Variants in KCNQ1 observed in about 807,000 individuals in gnomAD.
KCNQ1 encodes the protein potassium voltage-gated channel subfamily Q member 1, also known as potassium voltage-gated channel subfamily KQT member 1.
In KCNQ1, 49 loss-of-function variants were observed where a neutral mutation model predicts 72.4. That is an observed-to-expected ratio of 0.68 (90% confidence interval 0.54 to 0.86). KCNQ1 has a LOEUF of 0.86. Ranked by LOEUF, KCNQ1 falls within the 40% of genes least tolerant of loss-of-function variation. The probability of loss-of-function intolerance (pLI) is 0.00; values close to 1 mark genes in which losing one functional copy is unlikely to be tolerated. For missense variants in KCNQ1, 790 were observed against 945.1 expected (o/e 0.84, Z 2.15); for synonymous variants, 450 against 412.6 (o/e 1.09, Z -1.10).
rs1266094382 is a variant in KCNQ1 at position 2,679,378 on chromosome 11, TCA to T, written c.1514+17298_1514+17299del. 1 of 398,540 alleles carries T rather than the reference TCA, an allele frequency of 2.5e-6. No homozygotes were observed. Among genetic ancestry groups the T allele is most frequent in the Non-Finnish European group, 4.4e-6 (1 of 226,080 alleles). The allele number at this position is 398,540 out of a possible 1,614,324, so 24.7% of individuals were successfully genotyped here. ...TACACCTTGAGTGAGTCACTTAGTC[TCA>T]GTTTCTTTATTTGTAAAATGGGAAT... On this transcript the variant is annotated intron_variant, in intron 11 of 15. Coordinates refer to ENST00000155840, the MANE Select transcript of KCNQ1 (RefSeq NM_000218.3). This position sits in a 1 kb window ranked among gnomAD's most constrained non-coding sequence, Gnocchi z 4.8.
intron 11 of KCNQ1, among the ~76,000 whole-genome samples, chr11:2,744,291 C>T (rs1026050098): frequency 6.6e-6 from 1 of 152,240 alleles, no homozygotes; most frequent in Admixed American, 6.5e-5. Context: ...ACCAATGCGG[C>T]ACTCAGAGAA....
At position 2,477,548 on chromosome 11, in the gene KCNQ1, A is replaced by G. The variant is rs1846589911; in HGVS notation, c.386+32064A>G. Among the ~76,000 whole-genome samples the G allele has an allele frequency of 6.6e-6, 1 of 152,180 alleles. No individual in the cohort carries two copies. Among genetic ancestry groups the G allele is most frequent in the African/African-American group, 2.4e-5 (1 of 41,442 alleles). ...CTACAGACCAGTGATATGTACACAG[A>G]GAGCAATGAAAATCCTCATTATGAT... On this transcript the variant is annotated intron_variant, in intron 1 of 15. Coordinates refer to ENST00000155840, the MANE Select transcript of KCNQ1 (RefSeq NM_000218.3). This position sits in a 1 kb window ranked among gnomAD's most constrained non-coding sequence, Gnocchi z 5.0.
intron 15 of KCNQ1, among the ~76,000 whole-genome samples, chr11:2,792,399 C>CG (rs1364287468): frequency 1.3e-5 from 2 of 152,208 alleles, no homozygotes; most frequent in Non-Finnish European, 2.9e-5. Context: ...CCCCAGCACA[C>CG]GGTCCCTTTT....
intron 3 of KCNQ1, among the ~76,000 whole-genome samples, 172 bp from the exon 4 acceptor site, chr11:2,571,153 C>T (rs922454785): frequency 1.2e-4 from 19 of 152,166 alleles, no homozygotes; most frequent in African/African-American, 3.6e-4. Flanking sequence ...TGGGTCTCTC[C>T]GTTTAGATGC....
chr11:2,537,931 GT>G lies in KCNQ1; in HGVS notation c.477+9914del, dbSNP rs1847761471. Among the ~76,000 whole-genome samples the G allele has an allele frequency of 6.6e-6, 1 of 152,068 alleles. No homozygotes were observed. The highest frequency in any genetic ancestry group is 2.4e-5 in the African/African-American group (1 of 41,400). ...GGGTTTTGCCATGTTACCTAGGCTG[GT>G]CTTAAACTCCTGAGTTCAAACAATC... is the stretch of plus-strand genomic sequence containing the variant. On this transcript the variant is annotated intron_variant, in intron 2 of 15. Coordinates refer to ENST00000155840, the MANE Select transcript of KCNQ1 (RefSeq NM_000218.3). This position sits in a 1 kb window ranked among gnomAD's most constrained non-coding sequence, Gnocchi z 5.2.
rs1024372532 is a variant in KCNQ1 at position 2,803,164 on chromosome 11, C to CCCA, written c.1794+25128_1794+25129insCAC. On this transcript the variant is annotated intron_variant, in intron 15 of 15. Coordinates refer to ENST00000155840, the MANE Select transcript of KCNQ1 (RefSeq NM_000218.3). The surrounding 1 kb of genome is among the most constrained non-coding windows in gnomAD (Gnocchi z 6.4). The stretch of plus-strand genomic sequence containing the variant: ...AGAAAACCCAGCCGGGCCCCCCCCC[C>CCCA]CACGGGCACCCAGGAACCGCCCTGG... 3.3e-5 allele frequency among the ~76,000 whole-genome samples: 4 copies of CCCA among 122,552 alleles called. No homozygotes were observed. Among genetic ancestry groups the CCCA allele is most frequent in the Non-Finnish European group, 5.2e-5 (3 of 57,534 alleles). 80.4% of individuals were successfully genotyped at this position (122,552 alleles called of 152,430 possible).
At chr11:2,512,851 C>T (rs926766145) in intron 1 of KCNQ1, among the ~76,000 whole-genome samples, 2 of 152,186 alleles carry the variant, frequency 1.3e-5, no homozygotes, top group Non-Finnish European at 2.9e-5. Flanking sequence ...GTCCTGCTCC[C>T]CAGGGCGGTC....
intron 1 of KCNQ1, among the ~76,000 whole-genome samples, chr11:2,459,240 G>A (rs925458395): frequency 2.6e-5 from 4 of 152,220 alleles, no homozygotes; most frequent in African/African-American, 4.8e-5. Context: ...GCCCCGTGGC[G>A]CCCGGTGGTG....
At chr11:2,708,215 C>A (rs1489074260) in intron 11 of KCNQ1, among the ~76,000 whole-genome samples, 1 of 152,212 alleles carries the variant, frequency 6.6e-6, no homozygotes, top group East Asian at 1.9e-4. Flanking sequence ...CTGAACCCAC[C>A]GTGCACACTT....
In KCNQ1 at chr11:2,570,703, G is replaced by A. The variant is rs749351255; in HGVS notation, c.553G>A (p.Val185Met). 5.6e-6 allele frequency: 9 copies of A among 1,612,428 alleles called. No homozygotes were observed. Among genetic ancestry groups the A allele is most frequent in the African/African-American group, 1.3e-5 (1 of 74,926 alleles). ...LWSAGCRSKYVGLWGRLRFAR... is the reference protein window; with the variant it reads ...LWSAGCRSKYMGLWGRLRFAR... ...GTCCGCCGGCTGCCGCAGCAAGTAC[G>A]TGGGCCTCTGGGGGCGGCTGCGCTT... Residue 185 changes from valine to methionine, a missense_variant, in exon 3 of 16, where the codon GTG (valine) becomes ATG (methionine). Physicochemically the swap from Val to Met is conservative, Grantham distance 21. Around this residue, in one of 5 missense-constraint regions of KCNQ1, gnomAD observed 294 missense variants for 323.3 expected, o/e 0.91. Coordinates refer to ENST00000155840, the MANE Select transcript of KCNQ1 (RefSeq NM_000218.3).
At position 2,559,664 on chromosome 11, in the gene KCNQ1, T is replaced by C. The variant is rs1183355154; in HGVS notation, c.478-10964T>C. Among the ~76,000 whole-genome samples, 2 of 152,070 alleles carry C rather than the reference T, an allele frequency of 1.3e-5. No homozygotes were observed. The highest frequency in any genetic ancestry group is 4.8e-5 in the African/African-American group (2 of 41,404). On this transcript the variant is annotated intron_variant, in intron 2 of 15. Coordinates refer to ENST00000155840, the MANE Select transcript of KCNQ1 (RefSeq NM_000218.3). This position sits in a 1 kb window ranked among gnomAD's most constrained non-coding sequence, Gnocchi z 4.9. ...AAGACACGTCCGGGCAGCTGGCAGG[T>C]GGGGCTAGTTCTGGAGGGAAAGCGG...
At chr11:2,454,946 G>A (rs1006305265) in intron 1 of KCNQ1, among the ~76,000 whole-genome samples, 2 of 152,018 alleles carry the variant, frequency 1.3e-5, no homozygotes, top group African/African-American at 4.8e-5. Context: ...AGAAATAAAA[G>A]GGGATCCAAA....
chr11:2,631,577 T>C (rs963032755), intron 10 of KCNQ1: 1 of 388,036 alleles, frequency 2.6e-6, no homozygotes, highest in Non-Finnish European at 4.5e-6. Flanking sequence ...TGTATCCCAA[T>C]TTCTTGGGAG....
At chr11:2,686,516 G>A (rs749668495) in intron 11 of KCNQ1, 2 of 398,526 alleles carry the variant, frequency 5.0e-6, no homozygotes, top group Admixed American at 4.4e-5. Context: ...TCTCACTCCC[G>A]TCACGGAAAT....
At chr11:2,731,502 G>A (rs930783877) in intron 11 of KCNQ1, among the ~76,000 whole-genome samples, 7 of 152,216 alleles carry the variant, frequency 4.6e-5, no homozygotes, top group Admixed American at 2.6e-4. Context: ...CACCCAGGGC[G>A]GCCATCTCTC....
chr11:2,703,946 C>T lies in KCNQ1; in HGVS notation c.1514+41865C>T, dbSNP rs113423700. On this transcript the variant is annotated intron_variant, in intron 11 of 15. Transcript: ENST00000155840. This position sits in a 1 kb window ranked among gnomAD's most constrained non-coding sequence, Gnocchi z 6.4. ...CCATCTGAAGAAAGGCCCCACCCCACGCTGCTCTCAGGAGTGGACAGGAAC... is the reference window on the plus strand; with the variant it reads ...CCATCTGAAGAAAGGCCCCACCCCATGCTGCTCTCAGGAGTGGACAGGAAC... Among the ~76,000 whole-genome samples, 1 of 152,134 alleles carries T rather than the reference C, an allele frequency of 6.6e-6. No homozygotes were observed. Among genetic ancestry groups the T allele is most frequent in the African/African-American group, 2.4e-5 (1 of 41,428 alleles).
Position 2,507,386 on chromosome 11 carries a change from A to C in KCNQ1, c.387-20542A>C, listed in dbSNP as rs924030495. Among the ~76,000 whole-genome samples the C allele has an allele frequency of 3.3e-5, 5 of 151,996 alleles. No homozygotes were observed. The highest frequency in any genetic ancestry group is 9.7e-5 in the African/African-American group (4 of 41,388). ...CGAGATGCGCAGGAGGCTGTGACTG[A>C]GGTGGCTGTGGGATGGGACGGCGTG... is the stretch of plus-strand genomic sequence containing the variant. On this transcript the variant is annotated intron_variant, in intron 1 of 15. Coordinates refer to ENST00000155840, the MANE Select transcript of KCNQ1 (RefSeq NM_000218.3). The surrounding 1 kb of genome is among the most constrained non-coding windows in gnomAD (Gnocchi z 5.4).
chr11:2,558,601 C>T (rs1848106901), intron 2 of KCNQ1, among the ~76,000 whole-genome samples: 1 of 152,228 alleles, frequency 6.6e-6, no homozygotes, highest in African/African-American at 2.4e-5. Context: ...TGAGAACACC[C>T]AGGTGGGGGA....
At chr11:2,847,238 A>G (rs998719356) in intron 15 of KCNQ1, among the ~76,000 whole-genome samples, 4 of 151,792 alleles carry the variant, frequency 2.6e-5, no homozygotes, top group African/African-American at 9.7e-5. Context: ...CAACCACCCC[A>G]GGCCCTGCCC....
Sources: gnomAD v4.1 joint callset for allele counts (sites outside exome capture counted in the v4.1 genomes callset) on GRCh38, gnomAD v4.1.1 for gene constraint, gnomAD v4.1.1 regional missense constraint, Gnocchi (gnomAD v3.1) non-coding constraint, MANE v1.5 for transcripts, NCBI Gene and HGNC (gene_info 2026-07-23, HGNC 2026-07-21) for gene names.